PPARGC1B: variants seen among roughly 807,000 people sequenced by gnomAD.
The protein encoded by PPARGC1B is peroxisome proliferator-activated receptor gamma coactivator 1-beta.
PPARGC1B carries 34 observed loss-of-function variants against 101.6 expected under a neutral mutation model. The ratio of observed to expected loss-of-function variants is 0.33; its 90% confidence interval spans 0.25 to 0.45. PPARGC1B has a LOEUF of 0.45. PPARGC1B is among the 20% of genes least tolerant of loss of function. PPARGC1B has a pLI of 1.00. For missense variants in PPARGC1B, 1,234 were observed against 1,317.6 expected (o/e 0.94, Z 0.98); for synonymous variants, 548 against 539.3 (o/e 1.02, Z -0.22).
At chr5:149,813,948 A>G (rs1408258733) in intron 1 of PPARGC1B, among the ~76,000 whole-genome samples, 3 of 152,158 alleles carry the variant, frequency 2.0e-5, no homozygotes, top group African/African-American at 4.8e-5. Context: ...CATCCCATTC[A>G]TGACCTCATC....
intron 2 of PPARGC1B, among the ~76,000 whole-genome samples, chr5:149,824,982 A>G (rs556285909): frequency 6.6e-6 from 1 of 152,352 alleles, no homozygotes; most frequent in South Asian, 2.1e-4. Flanking sequence ...CCGTCACGAG[A>G]CGTGTATTTC....
At chr5:149,779,149 G>A (rs2113216742) in intron 1 of PPARGC1B, among the ~76,000 whole-genome samples, 1 of 152,312 alleles carries the variant, frequency 6.6e-6, no homozygotes, top group East Asian at 1.9e-4. Flanking sequence ...TCTGAGTGCA[G>A]CCCATGGAAA....
chr5:149,743,721 C>T (rs1003906113), intron 1 of PPARGC1B, among the ~76,000 whole-genome samples: 1 of 152,138 alleles, frequency 6.6e-6, no homozygotes, highest in Non-Finnish European at 1.5e-5. Flanking sequence ...TTGTACCAGT[C>T]CCCACAAGGA....
At chr5:149,766,246 A>T (rs17711418) in intron 1 of PPARGC1B, among the ~76,000 whole-genome samples, 9,157 of 152,280 alleles carry the variant, frequency 0.06, 382 homozygotes, top group South Asian at 0.12. Context: ...GGTTTAGGCA[A>T]CAAGGTAACC....
chr5:149,747,506 GT>G (rs1157181044), intron 1 of PPARGC1B, among the ~76,000 whole-genome samples: 3 of 152,204 alleles, frequency 2.0e-5, no homozygotes, highest in African/African-American at 7.2e-5. Context: ...CCACACAGAG[GT>G]CCCCAGGGCC....
chr5:149,855,693 T>C (rs1393994110), downstream of PPARGC1B, among the ~76,000 whole-genome samples: 2 of 152,230 alleles, frequency 1.3e-5, no homozygotes, highest in Non-Finnish European at 2.9e-5. Flanking sequence ...CTGTGTGTTA[T>C]TTCCTCACGT....
intron 1 of PPARGC1B, among the ~76,000 whole-genome samples, chr5:149,765,882 A>T (rs900041653): frequency 2.1e-5 from 3 of 141,346 alleles, no homozygotes; most frequent in Non-Finnish European, 3.1e-5. Context: ...AAAAAAAAAA[A>T]TGGAGATAAT....
chr5:149,835,401 G>A, intron 7 of PPARGC1B, 36 bp downstream of exon 7: 1 of 1,582,054 alleles, frequency 6.3e-7, no homozygotes, highest in East Asian at 2.2e-5. Flanking sequence ...GGTGCCTTCA[G>A]GAAAACACCC....
rs1759866343 is a variant in PPARGC1B at position 149,853,975 on chromosome 5, C to G, written c.*6417C>G. ...TTGGAGCATCTGCTTCTTCCAGAGG[C>G]AGCTGCTAATGTTGAAACCAACACG... On this transcript the variant is annotated 3_prime_UTR_variant, in exon 12 of 12. Transcript: ENST00000309241. The surrounding 1 kb of genome is among the most constrained non-coding windows in gnomAD (Gnocchi z 4.2). 6.6e-6 allele frequency: 1 copy of G among 152,194 alleles called. No homozygotes were observed. The highest frequency in any genetic ancestry group is 1.5e-5 in the Non-Finnish European group (1 of 68,036). The allele number at this position is 152,194 out of a possible 1,614,324, so 9.4% of individuals were successfully genotyped here. A position where few individuals can be genotyped will look rare whatever the true frequency, so the allele number is the denominator to read the frequency against.
intron 1 of PPARGC1B, among the ~76,000 whole-genome samples, chr5:149,791,905 C>T (rs1757036377): frequency 6.6e-6 from 1 of 152,196 alleles, no homozygotes; most frequent in Admixed American, 6.5e-5. Context: ...ATTCAACAAA[C>T]ACTGGATGAA....
intron 1 of PPARGC1B, among the ~76,000 whole-genome samples, chr5:149,737,835 A>G (rs1488872950): frequency 6.6e-6 from 1 of 152,112 alleles, no homozygotes; most frequent in East Asian, 1.9e-4. Context: ...CTCTACTAAA[A>G]ATACAAAAAT....
chr5:149,748,913 G>C (rs966219249), intron 1 of PPARGC1B, among the ~76,000 whole-genome samples: 1 of 152,204 alleles, frequency 6.6e-6, no homozygotes. Context: ...GGTTTCAGAA[G>C]GAGAGTGACT....
intron 4 of PPARGC1B, among the ~76,000 whole-genome samples, chr5:149,831,584 C>T (rs1307977887): frequency 1.3e-5 from 2 of 152,196 alleles, no homozygotes; most frequent in Admixed American, 6.5e-5. Flanking sequence ...GGCTGACCCT[C>T]CTGAAACAAA....
In PPARGC1B at chr5:149,836,364, C is replaced by T. The variant is rs1759075648; in HGVS notation, c.1909C>T (p.Pro637Ser). 6.2e-7 allele frequency: 1 copy of T among 1,614,078 alleles called. No homozygotes were observed. The highest frequency in any genetic ancestry group is 8.5e-7 in the Non-Finnish European group (1 of 1,179,998). ...AGGCAAAGAAATAGCTCTCAGCCTC[C>T]CCTCCCCTGAGGGCCTCTCACTCAA... ...SLGKEIALSL[P>S]SPEGLSLKAT... The change falls in exon 8 of 12, where the codon CCC becomes TCC. Residue 637 changes from proline (P) to serine (S), a missense_variant. Around this residue, in one of 3 missense-constraint regions of PPARGC1B, gnomAD observed 497 missense variants for 529.5 expected, o/e 0.94. Transcript: ENST00000309241.
intron 1 of PPARGC1B, among the ~76,000 whole-genome samples, chr5:149,733,606 G>A (rs928865871): frequency 1.3e-5 from 2 of 152,170 alleles, no homozygotes; most frequent in Non-Finnish European, 2.9e-5. Context: ...TTAGCTCTTG[G>A]CTAGGCACAT....
chr5:149,732,489 C>G (rs867494652), intron 1 of PPARGC1B, among the ~76,000 whole-genome samples: 23 of 152,208 alleles, frequency 1.5e-4, no homozygotes, highest in African/African-American at 5.3e-4. Context: ...GCCCAGCGAG[C>G]CTAGCTAGCA....
chr5:149,799,693 GTTTTTTTTTTTT>G (rs11371560), intron 1 of PPARGC1B, among the ~76,000 whole-genome samples: 1 of 76,480 alleles, frequency 1.3e-5, no homozygotes, highest in African/African-American at 5.7e-5. Flanking sequence ...GCTTGTTGTT[GTTTTTTTTTTTT>G]TTTTTTTTTG....
intron 1 of PPARGC1B, chr5:149,818,832 C>T (rs1287284738): frequency 2.2e-6 from 1 of 456,650 alleles, no homozygotes; most frequent in Non-Finnish European, 4.4e-6. Flanking sequence ...GACATTGCCT[C>T]TTTTAATCTT....
intron 1 of PPARGC1B, among the ~76,000 whole-genome samples, chr5:149,808,476 G>A (rs1045471976): frequency 6.6e-6 from 1 of 152,136 alleles, no homozygotes; most frequent in African/African-American, 2.4e-5. Context: ...CTGATGTGTT[G>A]AAATGGTGAG....
Sources: gnomAD v4.1 joint callset for allele counts (sites outside exome capture counted in the v4.1 genomes callset) on GRCh38, gnomAD v4.1.1 for gene constraint, gnomAD v4.1.1 regional missense constraint, Gnocchi (gnomAD v3.1) non-coding constraint, MANE v1.5 for transcripts, NCBI Gene and HGNC (gene_info 2026-07-23, HGNC 2026-07-21) for gene names.